Variants in NCKAP5 observed in about 807,000 individuals in gnomAD.
NCKAP5 encodes the protein nck-associated protein 5.
Under a neutral mutation model 167.0 loss-of-function variants are expected in NCKAP5, and 92 were observed. The observed-to-expected ratio is 0.55, with a 90% CI of 0.47 to 0.66. The LOEUF (loss-of-function observed/expected upper bound fraction) is 0.66, where lower values mean the gene tolerates loss of function less well. Among genes scored for constraint, NCKAP5 ranks in the 30% least tolerant of loss-of-function variants. The pLI, the probability that NCKAP5 is intolerant of heterozygous loss-of-function variation, is 0.00. For synonymous variants in NCKAP5, 891 were observed against 877.4 expected (o/e 1.02, Z -0.27); for missense variants, 2,378 against 2,315.0 (o/e 1.03, Z -0.56).
intron 2 of NCKAP5, among the ~76,000 whole-genome samples, chr2:133,551,063 A>T (rs1009428282): frequency 6.6e-6 from 1 of 150,886 alleles, no homozygotes; most frequent in African/African-American, 2.4e-5. Flanking sequence ...CTTCAAGGAG[A>T]ACTACAAACC....
chr2:133,018,472 G>A (rs1354341189), intron 6 of NCKAP5, among the ~76,000 whole-genome samples: 1 of 152,184 alleles, frequency 6.6e-6, no homozygotes, highest in East Asian at 1.9e-4. Context: ...CTGGGTTTAA[G>A]TCTTCTACTT....
intron 3 of NCKAP5, among the ~76,000 whole-genome samples, chr2:133,461,941 C>A (rs1692226799): frequency 6.6e-6 from 1 of 152,084 alleles, no homozygotes; most frequent in African/African-American, 2.4e-5. Flanking sequence ...CTTACTGTGT[C>A]ATGTTTCCCT....
At chr2:132,976,433 A>G (rs940163204) in intron 7 of NCKAP5, among the ~76,000 whole-genome samples, 2 of 151,936 alleles carry the variant, frequency 1.3e-5, no homozygotes, top group Non-Finnish European at 2.9e-5. Context: ...GCATGGTGGC[A>G]CACACCTGTA....
At chr2:133,381,086 G>T (rs192437770) in intron 3 of NCKAP5, among the ~76,000 whole-genome samples, 11 of 152,334 alleles carry the variant, frequency 7.2e-5, no homozygotes, top group Non-Finnish European at 1.6e-4. Context: ...GTCTGGGAAA[G>T]TAGAATCCTG....
intron 6 of NCKAP5, among the ~76,000 whole-genome samples, chr2:133,096,064 T>G (rs1474231898): frequency 6.6e-6 from 1 of 152,160 alleles, no homozygotes; most frequent in East Asian, 1.9e-4. Context: ...TATAATACGG[T>G]GTTATATCCC....
intron 5 of NCKAP5, among the ~76,000 whole-genome samples, chr2:133,180,371 G>T (rs934779852): frequency 6.6e-6 from 1 of 151,822 alleles, no homozygotes; most frequent in South Asian, 2.1e-4. Flanking sequence ...GTCTCACTGT[G>T]TTGTTCAGGC....
chr2:133,483,423 T>G (rs1305249647), intron 3 of NCKAP5, among the ~76,000 whole-genome samples: 1 of 152,142 alleles, frequency 6.6e-6, no homozygotes, highest in Non-Finnish European at 1.5e-5. Context: ...GCAGTCTAAG[T>G]CTAGCTGACC....
chr2:133,615,576 A>G, the NCKAP5 span, among the ~76,000 whole-genome samples: 2 of 152,184 alleles, frequency 1.3e-5, no homozygotes, highest in Non-Finnish European at 2.9e-5. Context: ...AATGGTAAAC[A>G]GAGCAATTCA....
intron 19 of NCKAP5, among the ~76,000 whole-genome samples, chr2:132,696,062 T>G (rs2105190245): frequency 6.6e-6 from 1 of 152,318 alleles, no homozygotes; most frequent in East Asian, 1.9e-4. Context: ...CTCAGTGAAA[T>G]TAATTTGGAA....
intron 6 of NCKAP5, chr2:133,117,292 A>T (rs113696627): frequency 3.9e-5 from 6 of 152,302 alleles, no homozygotes; most frequent in African/African-American, 1.2e-4. Flanking sequence ...AACTGTTCGA[A>T]TCTCACGTAT....
At chr2:133,186,198 T>C (rs1158727714) in intron 5 of NCKAP5, among the ~76,000 whole-genome samples, 2 of 152,142 alleles carry the variant, frequency 1.3e-5, no homozygotes, top group African/African-American at 4.8e-5. Flanking sequence ...TTAAGGCTTT[T>C]TAGGTGATTA....
chr2:132,993,552 C>G (rs1405632146), intron 7 of NCKAP5, among the ~76,000 whole-genome samples: 1 of 152,196 alleles, frequency 6.6e-6, no homozygotes, highest in African/African-American at 2.4e-5. Flanking sequence ...CCCAGGAGGA[C>G]TGCATACACC....
the NCKAP5 span, among the ~76,000 whole-genome samples, chr2:133,627,245 A>G: frequency 2.6e-5 from 4 of 152,226 alleles, no homozygotes; most frequent in African/African-American, 9.6e-5. Context: ...ATGGGTATAA[A>G]AATGAAATTC....
At chr2:132,757,909 T>C (rs187360583) in intron 16 of NCKAP5, among the ~76,000 whole-genome samples, 1 of 152,286 alleles carries the variant, frequency 6.6e-6, no homozygotes, top group Admixed American at 6.5e-5. Flanking sequence ...TAGCTGGAAT[T>C]TCCACCATAT....
chr2:133,641,784 A>G, the NCKAP5 span, among the ~76,000 whole-genome samples: 1 of 152,216 alleles, frequency 6.6e-6, no homozygotes. Flanking sequence ...AGCTCTGCTT[A>G]GCAGAGCCAC....
intron 1 of NCKAP5, among the ~76,000 whole-genome samples, chr2:133,563,158 T>C (rs896201417): frequency 1.3e-5 from 2 of 152,210 alleles, no homozygotes; most frequent in Non-Finnish European, 1.5e-5. Context: ...TCCAATTTTT[T>C]CTTTGTATCT....
chr2:133,279,092 G>C (rs2089846931), intron 4 of NCKAP5, among the ~76,000 whole-genome samples: 1 of 152,124 alleles, frequency 6.6e-6, no homozygotes, highest in African/African-American at 2.4e-5. Context: ...CATTTTGGAG[G>C]AAAATTTGAC....
chr2:133,598,991 A>G, the NCKAP5 span, among the ~76,000 whole-genome samples: 1 of 152,046 alleles, frequency 6.6e-6, no homozygotes, highest in South Asian at 2.1e-4. Context: ...CTGACATCAC[A>G]TGGCATTCTC....
chr2:132,841,519 T>C (rs950723388), intron 11 of NCKAP5, among the ~76,000 whole-genome samples: 6 of 152,148 alleles, frequency 3.9e-5, no homozygotes, highest in Admixed American at 3.9e-4. Flanking sequence ...CATTTCATTT[T>C]CACGTCTTAT....
Sources: gnomAD v4.1 joint callset for allele counts (sites outside exome capture counted in the v4.1 genomes callset) on GRCh38, gnomAD v4.1.1 for gene constraint, MANE v1.5 for transcripts, NCBI Gene and HGNC (gene_info 2026-07-23, HGNC 2026-07-21) for gene names.